SULF1: variants seen among roughly 807,000 people sequenced by gnomAD.
The protein encoded by SULF1 is extracellular sulfatase Sulf-1.
SULF1 carries 46 observed loss-of-function variants against 110.5 expected under a neutral mutation model. The observed-to-expected ratio is 0.42, with a 90% CI of 0.33 to 0.53. SULF1 has a LOEUF of 0.53. Ranked by LOEUF, SULF1 falls within the 20% of genes least tolerant of loss-of-function variation. SULF1 has a pLI of 0.12. For missense variants in SULF1, 941 were observed against 1,094.2 expected, an observed-to-expected ratio of 0.86 and a Z score of 1.98; for synonymous variants, 371 against 387.1, an observed-to-expected ratio of 0.96 and a Z score of 0.49.
intron 3 of SULF1, among the ~76,000 whole-genome samples, chr8:69,543,903 C>T (rs541222907): frequency 6.6e-6 from 1 of 152,228 alleles, no homozygotes; most frequent in African/African-American, 2.4e-5. Context: ...GGCCAGAGCC[C>T]CTTGGACTGT....
At chr8:69,553,618 C>A (rs540028495) in intron 3 of SULF1, among the ~76,000 whole-genome samples, 3 of 152,208 alleles carry the variant, frequency 2.0e-5, no homozygotes, top group Non-Finnish European at 4.4e-5. Flanking sequence ...AGATTCACAA[C>A]TTTATAAAGC....
At chr8:69,539,037 T>C (rs1813674223) in intron 3 of SULF1, among the ~76,000 whole-genome samples, 1 of 152,198 alleles carries the variant, frequency 6.6e-6, no homozygotes, top group Admixed American at 6.5e-5. Flanking sequence ...TTGAACCCTG[T>C]AGCTGGATCC....
At chr8:69,613,729 A>G (rs887166973) in intron 13 of SULF1, among the ~76,000 whole-genome samples, 2 of 152,200 alleles carry the variant, frequency 1.3e-5, no homozygotes, top group African/African-American at 4.8e-5. Flanking sequence ...TGTACAGTTT[A>G]CCACCAGAAA....
chr8:69,483,646 C>T (rs1370492181), intron 1 of SULF1, among the ~76,000 whole-genome samples: 2 of 152,084 alleles, frequency 1.3e-5, no homozygotes, highest in East Asian at 1.9e-4. Flanking sequence ...CTTGCCGGCA[C>T]GGTGGCTCAC....
intron 3 of SULF1, among the ~76,000 whole-genome samples, chr8:69,514,214 G>A (rs1239535100): frequency 6.6e-6 from 1 of 152,202 alleles, no homozygotes; most frequent in African/African-American, 2.4e-5. Context: ...AAAGAAAAGA[G>A]GTTTAATTGA....
chr8:69,479,836 G>A (rs574329010), intron 1 of SULF1, among the ~76,000 whole-genome samples: 5 of 152,136 alleles, frequency 3.3e-5, no homozygotes, highest in East Asian at 3.9e-4. Flanking sequence ...AGTATGAGTC[G>A]GTAAATTCTA....
chr8:69,560,427 G>A (rs910766934), intron 3 of SULF1, among the ~76,000 whole-genome samples: 2 of 151,570 alleles, frequency 1.3e-5, no homozygotes, highest in Admixed American at 6.6e-5. Context: ...CCTAAACAAA[G>A]TCTTGTAAAC....
Position 69,624,217 on chromosome 8 carries a change from T to C in SULF1, c.1850+20T>C. On this transcript the variant is annotated intron_variant, in intron 15 of 22. Coordinates refer to ENST00000402687, the MANE Select transcript of SULF1 (RefSeq NM_001128205.2). The stretch of plus-strand genomic sequence containing the variant: ...ACACAAGTAAGAAAGCTTTATTTGT[T>C]CACTAGGGTTGAGTTCAGAATTACC... 1 of 1,545,852 alleles carries C rather than the reference T, an allele frequency of 6.5e-7. No individual in the cohort carries two copies. Among genetic ancestry groups the C allele is most frequent in the African/African-American group, 1.4e-5 (1 of 72,902 alleles).
intron 19 of SULF1, among the ~76,000 whole-genome samples, chr8:69,630,821 G>A (rs1168534643): frequency 2.0e-5 from 3 of 152,176 alleles, no homozygotes; most frequent in Non-Finnish European, 4.4e-5. Flanking sequence ...GATCAACATT[G>A]TTTTTTATTA....
At chr8:69,508,896 T>C (rs982477163) in intron 3 of SULF1, among the ~76,000 whole-genome samples, 7 of 152,146 alleles carry the variant, frequency 4.6e-5, no homozygotes, top group African/African-American at 1.4e-4. Context: ...GGAGGCGTTA[T>C]AGGTATTGTG....
At chr8:69,505,170 G>A (rs1323946105) in intron 3 of SULF1, among the ~76,000 whole-genome samples, 2 of 152,194 alleles carry the variant, frequency 1.3e-5, no homozygotes, top group Non-Finnish European at 2.9e-5. Context: ...GGAGAGATAG[G>A]TTGTATTCAC....
At chr8:69,622,810 C>G (rs1280778373) in intron 14 of SULF1, among the ~76,000 whole-genome samples, 1 of 152,068 alleles carries the variant, frequency 6.6e-6, no homozygotes, top group African/African-American at 2.4e-5. Context: ...TATTTGAGAG[C>G]AGGAGTCGGT....
intron 15 of SULF1, among the ~76,000 whole-genome samples, chr8:69,626,987 G>A (rs957032652): frequency 2.0e-5 from 3 of 152,264 alleles, no homozygotes; most frequent in Non-Finnish European, 2.9e-5. Flanking sequence ...GAGGAGGCGC[G>A]GAGAGCGAGC....
chr8:69,574,200 G>GT (rs987990286), intron 5 of SULF1, among the ~76,000 whole-genome samples: 11 of 151,954 alleles, frequency 7.2e-5, no homozygotes, highest in Non-Finnish European at 1.2e-4. Flanking sequence ...CTCTACCTTT[G>GT]TTTTTTTTAT....
chr8:69,621,244 G>T lies in SULF1; in HGVS notation c.1587G>T (p.Gly529=). The stretch of plus-strand genomic sequence containing the variant: ...AACGGCAATTCTTGAGAAACCAGGG[G>T]ACTCCAAGTAAGCCACGCTTTTGTG... ...KSQRQFLRNQ[G]TPKYKPRFVH... Residue 529 remains glycine, a synonymous_variant, in exon 14 of 23, where the codon GGG becomes GGT. Transcript: ENST00000402687. 1 of 1,612,054 alleles carries T rather than the reference G, an allele frequency of 6.2e-7. No individual in the cohort carries two copies. The highest frequency in any genetic ancestry group is 1.3e-5 in the African/African-American group (1 of 74,982).
chr8:69,521,861 A>G (rs1183749430), intron 3 of SULF1, among the ~76,000 whole-genome samples: 1 of 151,976 alleles, frequency 6.6e-6, no homozygotes, highest in Non-Finnish European at 1.5e-5. Context: ...AAAAAAAGAA[A>G]CAGTAAGAGG....
chr8:69,530,132 A>G (rs1395891991), intron 3 of SULF1, among the ~76,000 whole-genome samples: 1 of 152,180 alleles, frequency 6.6e-6, no homozygotes, highest in African/African-American at 2.4e-5. Flanking sequence ...GCATCTTCCC[A>G]GGAGAGCTAG....
At position 69,600,753 on chromosome 8, in the gene SULF1, G is replaced by T; in HGVS notation, c.885G>T (p.Arg295Ser). The change falls in exon 9 of 23, where the codon AGG becomes AGT. Residue 295 changes from arginine to serine, a missense_variant and splice_region_variant. Transcript: ENST00000402687. ...TLMSVDDSVE[R>S]LYNMLVETGE... The stretch of plus-strand genomic sequence containing the variant: ...TGTCAGTGGATGATTCTGTGGAGAG[G>T]GTAAGCACATGAACCTACCTCAGTG... 1 of 1,613,308 alleles carries T rather than the reference G, an allele frequency of 6.2e-7. No homozygotes were observed. The highest frequency in any genetic ancestry group is 8.5e-7 in the Non-Finnish European group (1 of 1,179,602).
intron 3 of SULF1, among the ~76,000 whole-genome samples, chr8:69,546,454 C>T (rs1375651724): frequency 6.6e-6 from 1 of 152,176 alleles, no homozygotes; most frequent in Non-Finnish European, 1.5e-5. Flanking sequence ...GTGAGTCCTA[C>T]CTAGAAAATT....
Sources: gnomAD v4.1 joint callset for allele counts (sites outside exome capture counted in the v4.1 genomes callset) on GRCh38, gnomAD v4.1.1 for gene constraint, MANE v1.5 for transcripts, NCBI Gene and HGNC (gene_info 2026-07-23, HGNC 2026-07-21) for gene names.